Variants in SYNE1 observed in about 807,000 individuals in gnomAD.
SYNE1 encodes the protein spectrin repeat containing nuclear envelope protein 1.
Under a neutral mutation model 1,111.0 loss-of-function variants are expected in SYNE1, and 616 were observed. The ratio of observed to expected loss-of-function variants is 0.55; its 90% CI spans 0.52 to 0.59. SYNE1 has a LOEUF of 0.59. Ranked by LOEUF, SYNE1 falls within the 20% of genes least tolerant of loss-of-function variation. The pLI, the probability that SYNE1 is intolerant of heterozygous loss-of-function variation, is 0.00. For missense variants in SYNE1, 10,006 were observed against 10,417.0 expected (o/e 0.96, Z 1.72); for synonymous variants, 3,855 against 3,825.8 (o/e 1.01, Z -0.28).
chr6:152,563,257 C>G (rs1042685083), intron 3 of SYNE1, among the ~76,000 whole-genome samples: 2 of 152,126 alleles, frequency 1.3e-5, no homozygotes, highest in Non-Finnish European at 2.9e-5. Flanking sequence ...GAACTTCCAA[C>G]TCTCCTAGCA....
chr6:152,399,954 T>A (rs2097787305), intron 47 of SYNE1, 131 bp from the exon 48 acceptor site: 2 of 1,088,246 alleles, frequency 1.8e-6, no homozygotes, highest in Admixed American at 4.2e-5. Flanking sequence ...TACATTTTGG[T>A]GCGTTTTTGA....
intron 120 of SYNE1, 121 bp downstream of exon 120, chr6:152,218,882 G>C (rs2079399659): frequency 1.9e-6 from 2 of 1,050,366 alleles, no homozygotes; most frequent in South Asian, 2.6e-5. Flanking sequence ...TTGTTTACTT[G>C]CTATTTTCTT....
rs543706258 is a variant in SYNE1, at chr6:152,573,436, G to GT, written c.68-33416dup. The stretch of plus-strand genomic sequence containing the variant: ...TATGAGTGAGAACATGCGGTGTTTG[G>GT]TTTTTTGTCCTTGCGGTAGTTTGCT... On this transcript the variant is annotated intron_variant, in intron 3 of 145. Coordinates refer to ENST00000367255, the MANE Select transcript of SYNE1 (RefSeq NM_182961.4). 3.3e-3 allele frequency among the ~76,000 whole-genome samples: 488 copies of GT among 149,308 alleles called. 2 individuals are homozygous for GT. Among genetic ancestry groups the GT allele is most frequent in the African/African-American group, 0.012 (467 of 40,320 alleles).
chr6:152,411,470 A>G (rs1205390065), intron 42 of SYNE1, among the ~76,000 whole-genome samples: 1 of 152,100 alleles, frequency 6.6e-6, no homozygotes, highest in Non-Finnish European at 1.5e-5. Context: ...CATCTTGTCA[A>G]TTTCTACAAA....
chr6:152,605,993 G>A (rs2099613811), intron 3 of SYNE1, among the ~76,000 whole-genome samples: 1 of 151,998 alleles, frequency 6.6e-6, no homozygotes, highest in African/African-American at 2.4e-5. Flanking sequence ...AAATGTCTTG[G>A]ACATGAAACC....
At chr6:152,255,489 G>A in intron 103 of SYNE1, 102 bp downstream of exon 103, 1 of 1,316,878 alleles carries the variant, frequency 7.6e-7, no homozygotes, top group Non-Finnish European at 1.1e-6. Flanking sequence ...TATTAGAATT[G>A]TTTTATGTTT....
At chr6:152,156,987 C>T (rs1406225976) in intron 131 of SYNE1, among the ~76,000 whole-genome samples, 1 of 152,106 alleles carries the variant, frequency 6.6e-6, no homozygotes, top group Non-Finnish European at 1.5e-5. Context: ...GCCATCATGC[C>T]TGGCTGGTTT....
chr6:152,428,273 G>C lies in SYNE1; in HGVS notation c.4908C>G (p.Tyr1636Ter). Residue 1636 changes from tyrosine (Y) to a stop codon, truncating the protein, a stop_gained, in exon 37 of 146, where the codon TAC becomes TAG. Coordinates refer to ENST00000367255, the MANE Select transcript of SYNE1 (RefSeq NM_182961.4). LOFTEE classifies it high-confidence loss of function. ...VQEAAALQQQ[Y>*]EDILRRAKER... ...CCTTCGCCCTCCTTAGGATGTCCTC[G>C]TATTGCTGCTGTAGAGCCGCAGCCT... The C allele has an allele frequency of 6.2e-7, 1 of 1,614,064 alleles. No homozygotes were observed. Among genetic ancestry groups the C allele is most frequent in the African/African-American group, 1.3e-5 (1 of 75,038 alleles).
chr6:152,200,335 A>G (rs1459923982), intron 127 of SYNE1, among the ~76,000 whole-genome samples: 1 of 152,220 alleles, frequency 6.6e-6, no homozygotes, highest in Non-Finnish European at 1.5e-5. Context: ...AACTGAGATA[A>G]CACCAATATA....
intron 3 of SYNE1, among the ~76,000 whole-genome samples, chr6:152,621,252 T>A (rs192098903): frequency 2.6e-4 from 40 of 152,246 alleles, no homozygotes; most frequent in African/African-American, 9.4e-4. Context: ...GAATATGGAA[T>A]CCCAGCCAAA....
intron 93 of SYNE1, among the ~76,000 whole-genome samples, chr6:152,295,194 C>A (rs1376794999): frequency 1.3e-5 from 2 of 152,118 alleles, no homozygotes; most frequent in Non-Finnish European, 2.9e-5. Flanking sequence ...CTCATTGGTC[C>A]AATCTTGGGT....
intron 4 of SYNE1, among the ~76,000 whole-genome samples, chr6:152,536,352 T>C (rs922962097): frequency 7.2e-6 from 1 of 138,360 alleles, no homozygotes. Context: ...TAACTATATA[T>C]ATAGTATACT....
At position 152,281,797 on chromosome 6, in the gene SYNE1, A is replaced by AT. The variant is rs1160319452; in HGVS notation, c.18381+9dup. 3 of 1,614,042 alleles carry AT rather than the reference A, an allele frequency of 1.9e-6. No homozygotes were observed. The Admixed American group carries it at 5.0e-5, about 27-fold the overall frequency. On this transcript the variant is annotated intron_variant, in intron 97 of 145. Transcript: ENST00000367255. ...GATGTTGACATATTCCTTTGAGACC[A>AT]TTTTGGTACCTGGCAGTCCATAAGC... is the stretch of plus-strand genomic sequence containing the variant.
chr6:152,513,245 T>C (rs933855339), intron 6 of SYNE1, among the ~76,000 whole-genome samples: 2 of 152,202 alleles, frequency 1.3e-5, no homozygotes, highest in Admixed American at 6.5e-5. Flanking sequence ...CCTCCAAAAT[T>C]CATATTTTGA....
chr6:152,511,137 A>G, intron 6 of SYNE1, 34 bp from the exon 7 acceptor site: 1 of 1,549,628 alleles, frequency 6.5e-7, no homozygotes, highest in South Asian at 1.1e-5. Context: ...CTAGTAATGT[A>G]CTAGAATATT....
chr6:152,505,564 C>G lies in SYNE1; in HGVS notation c.582-167G>C, dbSNP rs1374000172. ...GGGAAACAAAATTTTTAGGGGGCAACAAGATAAGATGTCGAAATTCTGGTT... is the reference window on the plus strand; with the variant it reads ...GGGAAACAAAATTTTTAGGGGGCAAGAAGATAAGATGTCGAAATTCTGGTT... On this transcript the variant is annotated intron_variant, in intron 8 of 145. Transcript: ENST00000367255. 8.5e-5 allele frequency among the ~76,000 whole-genome samples: 13 copies of G among 152,086 alleles called. 1 individual carries two copies. Among genetic ancestry groups the G allele is most frequent in the Middle Eastern group, 3.2e-3 (1 of 316 alleles).
Position 152,374,922 on chromosome 6 carries a change from A to T in SYNE1, c.9324+1459T>A, listed in dbSNP as rs371803942. Among the ~76,000 whole-genome samples, 3 of 149,670 alleles carry T rather than the reference A, an allele frequency of 2.0e-5. No individual in the cohort carries two copies. In the South Asian group the frequency reaches 6.3e-4, roughly 31 times the overall value. Reference sequence around the variant, plus strand: ...GAATTTTACATTTTATTTTTAGTTTATTATTTTATTTTATTTTATTTTATT... The same window carrying T: ...GAATTTTACATTTTATTTTTAGTTTTTTATTTTATTTTATTTTATTTTATT... On this transcript the variant is annotated intron_variant, in intron 58 of 145. Coordinates refer to ENST00000367255, the MANE Select transcript of SYNE1 (RefSeq NM_182961.4).
chr6:152,562,257 T>C (rs566306699), intron 3 of SYNE1, among the ~76,000 whole-genome samples: 70 of 152,210 alleles, frequency 4.6e-4, no homozygotes, highest in Admixed American at 1.2e-3. Flanking sequence ...ACTAGACATT[T>C]CTCAAAAGAA....
At chr6:152,303,225 G>A (rs1428551669) in intron 91 of SYNE1, among the ~76,000 whole-genome samples, 20 of 150,322 alleles carry the variant, frequency 1.3e-4, no homozygotes, top group Admixed American at 1.3e-3. Flanking sequence ...AGGCTGAGAC[G>A]AGGGGATCAC....
Sources: gnomAD v4.1 joint callset for allele counts (sites outside exome capture counted in the v4.1 genomes callset) on GRCh38, gnomAD v4.1.1 for gene constraint, MANE v1.5 for transcripts, NCBI Gene and HGNC (gene_info 2026-07-23, HGNC 2026-07-21) for gene names.